The following C8orf89 variants were observed in gnomAD, a reference collection of about 807,000 sequenced individuals.
The protein encoded by C8orf89 is chromosome 8 open reading frame 89.
In C8orf89, 14 loss-of-function variants were observed where a neutral mutation model predicts 15.8. The observed-to-expected ratio is 0.89, with a 90% CI of 0.59 to 1.39. The LOEUF (loss-of-function observed/expected upper bound fraction) is 1.39. Among genes scored for constraint, C8orf89 ranks in the 40% most tolerant of loss-of-function variants. C8orf89 has a pLI of 0.00. For synonymous variants in C8orf89, 55 were observed against 62.2 expected (o/e 0.88, Z 0.54); for missense variants, 181 against 184.5 (o/e 0.98, Z 0.11).
chr8:73,276,647 AATT>A, the C8orf89 span, among the ~76,000 whole-genome samples: 1 of 152,072 alleles, frequency 6.6e-6, no homozygotes, highest in Non-Finnish European at 1.5e-5. Context: ...TTATATAACA[AATT>A]ATTAGTAGAA....
At chr8:73,270,333 A>C in the C8orf89 span, among the ~76,000 whole-genome samples, 32 of 152,320 alleles carry the variant, frequency 2.1e-4, no homozygotes, top group Non-Finnish European at 4.3e-4. Context: ...GTATCTGTAT[A>C]AAAAGAATAT....
At chr8:73,265,035 T>G in the C8orf89 span, among the ~76,000 whole-genome samples, 1 of 152,164 alleles carries the variant, frequency 6.6e-6, no homozygotes, top group Non-Finnish European at 1.5e-5. Context: ...AGAATTGTGA[T>G]GTGCTATAAG....
chr8:73,271,019 G>A, the C8orf89 span, among the ~76,000 whole-genome samples: 1 of 152,146 alleles, frequency 6.6e-6, no homozygotes, highest in Admixed American at 6.5e-5. Flanking sequence ...AATGGTGAGT[G>A]ATATATTTAC....
chr8:73,254,001 G>C (rs1813308604), intron 2 of C8orf89, among the ~76,000 whole-genome samples: 1 of 152,028 alleles, frequency 6.6e-6, no homozygotes, highest in Admixed American at 6.5e-5. Context: ...GGGCATCCCT[G>C]TCTTGGGCCA....
At chr8:73,242,560 G>A (rs1813029678) in intron 3 of C8orf89, among the ~76,000 whole-genome samples, 2 of 152,256 alleles carry the variant, frequency 1.3e-5, no homozygotes, top group African/African-American at 4.8e-5. Flanking sequence ...ATGAAATATG[G>A]TCAACATCAC....
chr8:73,276,279 C>T, the C8orf89 span, among the ~76,000 whole-genome samples: 3 of 150,030 alleles, frequency 2.0e-5, no homozygotes, highest in Non-Finnish European at 2.9e-5. Context: ...CAGGTTCAAG[C>T]GATTCTTCTG....
intron 3 of C8orf89, among the ~76,000 whole-genome samples, chr8:73,248,481 T>C (rs1436309727): frequency 6.6e-6 from 1 of 152,194 alleles, no homozygotes; most frequent in South Asian, 2.1e-4. Flanking sequence ...ATGAAGAATG[T>C]CATTGGTAGT....
the C8orf89 span, among the ~76,000 whole-genome samples, chr8:73,283,270 T>C: frequency 6.6e-6 from 1 of 152,214 alleles, no homozygotes; most frequent in Non-Finnish European, 1.5e-5. Context: ...AGGGAATTAT[T>C]AATAACATTA....
intron 3 of C8orf89, among the ~76,000 whole-genome samples, chr8:73,246,629 G>A (rs919269431): frequency 6.6e-6 from 1 of 152,012 alleles, no homozygotes; most frequent in Non-Finnish European, 1.5e-5. Context: ...TGCTCACCTC[G>A]GCCTCCCAAA....
At chr8:73,247,204 C>T (rs1241022336) in intron 3 of C8orf89, among the ~76,000 whole-genome samples, 1 of 151,812 alleles carries the variant, frequency 6.6e-6, no homozygotes, top group Admixed American at 6.6e-5. Flanking sequence ...ACCCTCCACA[C>T]CCTCCTGCAT....
At chr8:73,277,107 C>T in the C8orf89 span, among the ~76,000 whole-genome samples, 1 of 152,068 alleles carries the variant, frequency 6.6e-6, no homozygotes, top group African/African-American at 2.4e-5. Context: ...GCGCCCATCC[C>T]GGCAGTCAAT....
At chr8:73,270,177 A>T in the C8orf89 span, among the ~76,000 whole-genome samples, 1 of 152,212 alleles carries the variant, frequency 6.6e-6, no homozygotes, top group Non-Finnish European at 1.5e-5. Flanking sequence ...ATTATAATAA[A>T]AATTTATTCT....
At chr8:73,246,653 A>G (rs1813134792) in intron 3 of C8orf89, among the ~76,000 whole-genome samples, 1 of 152,232 alleles carries the variant, frequency 6.6e-6, no homozygotes, top group African/African-American at 2.4e-5. Flanking sequence ...TTAGGATTAC[A>G]GGCGTGAGCC....
At chr8:73,272,850 C>T in the C8orf89 span, among the ~76,000 whole-genome samples, 1 of 152,076 alleles carries the variant, frequency 6.6e-6, no homozygotes, top group Non-Finnish European at 1.5e-5. Context: ...TGGAGGATGG[C>T]ACTATTATTA....
chr8:73,274,910 A>G, the C8orf89 span, among the ~76,000 whole-genome samples: 5 of 152,338 alleles, frequency 3.3e-5, no homozygotes, highest in Middle Eastern at 3.4e-3. Context: ...TGCTGTCTAT[A>G]TCATATCGAT....
At chr8:73,260,401 GGGC>G (rs1813502604), upstream of C8orf89, among the ~76,000 whole-genome samples, 1 of 151,888 alleles carries the variant, frequency 6.6e-6, no homozygotes, top group Non-Finnish European at 1.5e-5. Flanking sequence ...GTGGGGGAGG[GGGC>G]AGGGATAGCA....
At chr8:73,268,940 GGA>G in the C8orf89 span, among the ~76,000 whole-genome samples, 1 of 152,122 alleles carries the variant, frequency 6.6e-6, no homozygotes, top group Non-Finnish European at 1.5e-5. Context: ...AGAAGGAAGG[GGA>G]GAGACATTCT....
chr8:73,265,320 G>C, the C8orf89 span, among the ~76,000 whole-genome samples: 2 of 152,172 alleles, frequency 1.3e-5, no homozygotes, highest in Non-Finnish European at 2.9e-5. Flanking sequence ...GTATTTTAGG[G>C]CTTTATAAGT....
chr8:73,274,208 C>T, the C8orf89 span, among the ~76,000 whole-genome samples: 1 of 152,060 alleles, frequency 6.6e-6, no homozygotes, highest in African/African-American at 2.4e-5. Context: ...GGCTGGAGTG[C>T]AGTGGCGCGA....
Sources: allele counts gnomAD v4.1 joint callset (sites outside exome capture counted in the v4.1 genomes callset), GRCh38; gene constraint gnomAD v4.1.1; transcripts MANE v1.5; gene names NCBI Gene and HGNC (gene_info 2026-07-23, HGNC 2026-07-21).